ADAM18: variants seen among roughly 807,000 people sequenced by gnomAD.
ADAM18 encodes the protein ADAM metallopeptidase domain 18, also known as disintegrin and metalloproteinase domain-containing protein 18.
ADAM18 carries 117 observed loss-of-function variants against 94.4 expected under a neutral mutation model. The ratio of observed to expected loss-of-function variants is 1.24; its 90% CI spans 1.07 to 1.45. ADAM18 has a LOEUF of 1.45. Ranked by LOEUF, ADAM18 falls within the 40% of genes most tolerant of loss-of-function variation. ADAM18 has a pLI of 0.00. For synonymous variants in ADAM18, 327 were observed against 291.6 expected, an observed-to-expected ratio of 1.12 and a Z score of -1.24; for missense variants, 936 against 880.0, an observed-to-expected ratio of 1.06 and a Z score of -0.81.
intron 7 of ADAM18, among the ~76,000 whole-genome samples, chr8:39,634,429 G>A (rs901799684): frequency 6.6e-6 from 1 of 152,198 alleles, no homozygotes. Context: ...CTGCATGCAT[G>A]CATTTTCGAT....
At chr8:39,599,943 C>T (rs1436484129) in intron 2 of ADAM18, among the ~76,000 whole-genome samples, 1 of 151,614 alleles carries the variant, frequency 6.6e-6, no homozygotes, top group Non-Finnish European at 1.5e-5. Context: ...TGGCTAGAAC[C>T]TCCAGTACCA....
chr8:39,620,022 A>G (rs1421152271), intron 6 of ADAM18, among the ~76,000 whole-genome samples: 6 of 152,148 alleles, frequency 3.9e-5, no homozygotes, highest in Non-Finnish European at 7.4e-5. Context: ...ACATAGACCA[A>G]TGAAATAATA....
intron 12 of ADAM18, among the ~76,000 whole-genome samples, chr8:39,656,173 C>G (rs1205574433): frequency 6.6e-6 from 1 of 150,476 alleles, no homozygotes. Context: ...ATGAAAGGCA[C>G]AAAGCTAGCC....
intron 12 of ADAM18, among the ~76,000 whole-genome samples, chr8:39,652,493 A>G (rs1044177253): frequency 6.6e-6 from 1 of 152,178 alleles, no homozygotes; most frequent in Non-Finnish European, 1.5e-5. Flanking sequence ...TCAGAAAGAG[A>G]TATTACCTCA....
In ADAM18 at chr8:39,585,520, G is replaced by A. The variant is rs1233585390; in HGVS notation, c.132+168G>A. Among the ~76,000 whole-genome samples the A allele has an allele frequency of 2.0e-5, 3 of 151,948 alleles. No individual in the cohort carries two copies. The East Asian group carries it at 5.8e-4, about 29-fold the overall frequency. On this transcript the variant is annotated intron_variant, in intron 2 of 19. Coordinates refer to ENST00000265707, the MANE Select transcript of ADAM18 (RefSeq NM_014237.3). Reference sequence around the variant, plus strand: ...TTGATCCTCTTGTTCCCCCATTTCTGCTGCTTATTTCCCTGTCTTTTCTCT... The same window carrying A: ...TTGATCCTCTTGTTCCCCCATTTCTACTGCTTATTTCCCTGTCTTTTCTCT...
chr8:39,638,341 A>T, intron 9 of ADAM18, 124 bp from the exon 10 acceptor site: 1 of 530,422 alleles, frequency 1.9e-6, no homozygotes, highest in Non-Finnish European at 3.3e-6. Flanking sequence ...GATATTACCT[A>T]GTTTGAAGCT....
intron 2 of ADAM18, among the ~76,000 whole-genome samples, 198 bp downstream of exon 2, chr8:39,585,550 C>T (rs565340683): frequency 3.3e-4 from 51 of 152,268 alleles, no homozygotes; most frequent in African/African-American, 1.2e-3. Flanking sequence ...TTCTCTTCAT[C>T]TCTTCTTAAC....
At chr8:39,662,782 G>A (rs183571371) in intron 12 of ADAM18, among the ~76,000 whole-genome samples, 6 of 152,010 alleles carry the variant, frequency 3.9e-5, no homozygotes, top group South Asian at 2.1e-4. Context: ...ACACCACCAC[G>A]CCTGGCTAAT....
chr8:39,639,945 C>T (rs1820190782), intron 10 of ADAM18, among the ~76,000 whole-genome samples: 1 of 151,936 alleles, frequency 6.6e-6, no homozygotes, highest in Admixed American at 6.6e-5. Context: ...TAGAAATGAG[C>T]TCCTATAATT....
intron 6 of ADAM18, among the ~76,000 whole-genome samples, chr8:39,622,237 T>C (rs756650088): frequency 1.3e-5 from 2 of 150,680 alleles, no homozygotes; most frequent in African/African-American, 2.4e-5. Flanking sequence ...TATATTCTCA[T>C]TGATTAAAAA....
intron 2 of ADAM18, among the ~76,000 whole-genome samples, chr8:39,592,556 G>A (rs1284369523): frequency 1.3e-5 from 2 of 152,100 alleles, no homozygotes; most frequent in African/African-American, 4.8e-5. Flanking sequence ...GGAGGAACTG[G>A]AGGCCATTAT....
intron 16 of ADAM18, among the ~76,000 whole-genome samples, chr8:39,691,092 T>C (rs920053869): frequency 6.6e-6 from 1 of 152,178 alleles, no homozygotes; most frequent in Non-Finnish European, 1.5e-5. Context: ...AAGGAAATAA[T>C]GCAAGAACCA....
At chr8:39,619,375 A>G (rs1205179693) in intron 6 of ADAM18, among the ~76,000 whole-genome samples, 1 of 152,206 alleles carries the variant, frequency 6.6e-6, no homozygotes, top group Non-Finnish European at 1.5e-5. Flanking sequence ...CATGTTTTTC[A>G]ACTGCTTATG....
At chr8:39,655,024 G>C (rs1430613050) in intron 12 of ADAM18, among the ~76,000 whole-genome samples, 1 of 151,996 alleles carries the variant, frequency 6.6e-6, no homozygotes, top group Non-Finnish European at 1.5e-5. Flanking sequence ...TTGCTGTACA[G>C]AAGCTTTTTA....
At chr8:39,697,855 A>G (rs1222604252) in intron 17 of ADAM18, among the ~76,000 whole-genome samples, 1 of 151,732 alleles carries the variant, frequency 6.6e-6, no homozygotes, top group Non-Finnish European at 1.5e-5. Flanking sequence ...TTCTTGAGGA[A>G]CACCTGCTTT....
In ADAM18 at chr8:39,677,467, T is replaced by C. The variant is rs1821329822; in HGVS notation, c.1562T>C (p.Val521Ala). The C allele has an allele frequency of 6.2e-7, 1 of 1,610,634 alleles. No homozygotes were observed. The highest frequency in any genetic ancestry group is 8.5e-7 in the Non-Finnish European group (1 of 1,179,252). ...GCTCCATTTGCCTGTTTTAAAGAAG[T>C]TAATTCTCTGCATGAAAGATCTGAA... is the stretch of plus-strand genomic sequence containing the variant. ...QGAPFACFKE[V>A]NSLHERSENC... is the part of the protein sequence containing the mutation. The change falls in exon 15 of 20, where the codon GTT becomes GCT. Residue 521 changes from valine to alanine, a missense_variant. Coordinates refer to ENST00000265707, the MANE Select transcript of ADAM18 (RefSeq NM_014237.3).
intron 18 of ADAM18, among the ~76,000 whole-genome samples, chr8:39,714,323 A>G (rs1248894664): frequency 6.6e-6 from 1 of 152,134 alleles, no homozygotes; most frequent in Non-Finnish European, 1.5e-5. Context: ...TAGCATTAGG[A>G]GAAATACCTA....
intron 12 of ADAM18, among the ~76,000 whole-genome samples, chr8:39,658,895 C>G (rs370362433): frequency 6.6e-6 from 1 of 152,242 alleles, no homozygotes; most frequent in African/African-American, 2.4e-5. Flanking sequence ...GCTATTACAA[C>G]TTTTCTTATT....
chr8:39,648,292 T>G, intron 11 of ADAM18, 52 bp from the exon 12 acceptor site: 1 of 1,442,448 alleles, frequency 6.9e-7, no homozygotes, highest in South Asian at 1.5e-5. Flanking sequence ...GTTGTTTAGA[T>G]GTGGTTTTAT....
Sources: allele counts gnomAD v4.1 joint callset (sites outside exome capture counted in the v4.1 genomes callset), GRCh38; gene constraint gnomAD v4.1.1; transcripts MANE v1.5; gene names NCBI Gene and HGNC (gene_info 2026-07-23, HGNC 2026-07-21).